GPHN: variants seen among roughly 807,000 people sequenced by gnomAD.
The protein encoded by GPHN is gephyrin.
A neutral mutation model predicts 95.5 loss-of-function variants in GPHN; 17 were observed. The observed-to-expected ratio is 0.18, with a 90% CI of 0.12 to 0.27. The LOEUF (loss-of-function observed/expected upper bound fraction) is 0.27. Ranked by LOEUF, GPHN falls within the 10% of genes least tolerant of loss-of-function variation. The probability of loss-of-function intolerance (pLI) is 1.00; values close to 1 mark genes in which losing one functional copy is unlikely to be tolerated. For missense variants in GPHN, 660 were observed against 978.1 expected, an observed-to-expected ratio of 0.67 and a Z score of 4.34; for synonymous variants, 320 against 322.5, an observed-to-expected ratio of 0.99 and a Z score of 0.08.
the GPHN span, chr14:67,533,161 G>C: frequency 6.6e-6 from 1 of 152,074 alleles, no homozygotes; most frequent in Non-Finnish European, 1.5e-5. Flanking sequence ...GAGGGCGCCC[G>C]GCGGAGCGTT....
At chr14:67,376,330 T>G in the GPHN span, 1 of 1,111,940 alleles carries the variant, frequency 9.0e-7, no homozygotes, top group Non-Finnish European at 1.2e-6. Context: ...TGGAGATCTT[T>G]TATTGTTAAG....
chr14:66,688,598 G>A (rs2153404380), intron 2 of GPHN, among the ~76,000 whole-genome samples: 1 of 152,258 alleles, frequency 6.6e-6, no homozygotes, highest in Non-Finnish European at 1.5e-5. Context: ...TCTTTGAGGG[G>A]AGTCTTTACT....
At chr14:66,741,004 A>G (rs181241797) in intron 2 of GPHN, among the ~76,000 whole-genome samples, 65 of 152,328 alleles carry the variant, frequency 4.3e-4, no homozygotes, top group African/African-American at 1.4e-3. Context: ...CAGAAGGAAG[A>G]AGGGCAAGAG....
the GPHN span, among the ~76,000 whole-genome samples, chr14:67,567,156 G>A: frequency 6.6e-6 from 1 of 151,914 alleles, no homozygotes; most frequent in African/African-American, 2.4e-5. Flanking sequence ...CGTGTTCCGG[G>A]GAGAGCTTAA....
the GPHN span, among the ~76,000 whole-genome samples, chr14:67,464,433 C>T: frequency 6.6e-6 from 1 of 152,138 alleles, no homozygotes; most frequent in African/African-American, 2.4e-5. Context: ...CTCTGTCCCC[C>T]TGCCCCCACC....
chr14:67,272,998 C>A, the GPHN span, among the ~76,000 whole-genome samples: 10 of 152,102 alleles, frequency 6.6e-5, no homozygotes, highest in Non-Finnish European at 1.3e-4. Flanking sequence ...TTCTTGAAAA[C>A]AACTTCTTCA....
At chr14:67,042,017 T>G (rs1168906000) in intron 10 of GPHN, among the ~76,000 whole-genome samples, 1 of 152,186 alleles carries the variant, frequency 6.6e-6, no homozygotes, top group Non-Finnish European at 1.5e-5. Context: ...AAATGTCTTC[T>G]TTTGAGAAGT....
chr14:67,642,456 A>G, the GPHN span: 2 of 1,410,932 alleles, frequency 1.4e-6, no homozygotes, highest in Non-Finnish European at 1.9e-6. Flanking sequence ...ATCTGGAGAA[A>G]AATACCCTAC....
At chr14:66,902,789 G>A (rs1018790095) in intron 5 of GPHN, among the ~76,000 whole-genome samples, 9 of 151,972 alleles carry the variant, frequency 5.9e-5, no homozygotes, top group African/African-American at 2.2e-4. Flanking sequence ...TTTTGCATTT[G>A]TATTCATTGG....
chr14:67,246,263 G>C, the GPHN span, among the ~76,000 whole-genome samples: 1,628 of 151,156 alleles, frequency 0.011, 25 homozygotes, highest in African/African-American at 0.036. Flanking sequence ...CAAGTAGCTG[G>C]GACCACAGGC....
chr14:67,354,275 T>G, the GPHN span, among the ~76,000 whole-genome samples: 1 of 152,210 alleles, frequency 6.6e-6, no homozygotes, highest in African/African-American at 2.4e-5. Context: ...ATCATAAATG[T>G]TATCAGGAGC....
At chr14:66,643,133 G>A (rs1173566957) in intron 1 of GPHN, among the ~76,000 whole-genome samples, 1 of 152,018 alleles carries the variant, frequency 6.6e-6, no homozygotes, top group Non-Finnish European at 1.5e-5. Context: ...AATAGTATAT[G>A]TTCAATATGA....
chr14:67,541,774 C>T, the GPHN span: 1 of 1,206,962 alleles, frequency 8.3e-7, no homozygotes, highest in Non-Finnish European at 1.1e-6. Flanking sequence ...GTTCTTTCCC[C>T]ACAGAACTCT....
chr14:67,564,213 G>GGCTA, the GPHN span, among the ~76,000 whole-genome samples: 4 of 152,274 alleles, frequency 2.6e-5, no homozygotes, highest in African/African-American at 9.6e-5. Flanking sequence ...ATGTTGGCCA[G>GGCTA]GCTAGTCTCA....
chr14:67,398,409 CT>C, the GPHN span, among the ~76,000 whole-genome samples: 2 of 152,140 alleles, frequency 1.3e-5, no homozygotes, highest in Non-Finnish European at 2.9e-5. Flanking sequence ...GAAATAGGCT[CT>C]CCATGTTCAC....
At chr14:67,567,152 C>G in the GPHN span, among the ~76,000 whole-genome samples, 1 of 150,280 alleles carries the variant, frequency 6.7e-6, no homozygotes, top group Non-Finnish European at 1.5e-5. Flanking sequence ...GTTCCGTGTT[C>G]CGGGGAGAGC....
At chr14:66,558,886 C>T (rs992184802) in intron 1 of GPHN, among the ~76,000 whole-genome samples, 2 of 148,916 alleles carry the variant, frequency 1.3e-5, no homozygotes, top group East Asian at 4.1e-4. Flanking sequence ...ATCCCTCCCC[C>T]CTCCCCCAAC....
chr14:67,339,718 A>G, the GPHN span, among the ~76,000 whole-genome samples: 1 of 152,208 alleles, frequency 6.6e-6, no homozygotes, highest in African/African-American at 2.4e-5. Context: ...CATGAAATAC[A>G]TATTTGTTGA....
At chr14:67,302,646 T>A in the GPHN span, 34 of 1,141,554 alleles carry the variant, frequency 3.0e-5, no homozygotes, top group Non-Finnish European at 3.6e-5. Flanking sequence ...AAAATATTTT[T>A]AAAATAACTG....
Sources: gnomAD v4.1 joint callset for allele counts (sites outside exome capture counted in the v4.1 genomes callset) on GRCh38, gnomAD v4.1.1 for gene constraint, MANE v1.5 for transcripts, NCBI Gene and HGNC (gene_info 2026-07-23, HGNC 2026-07-21) for gene names.